The following KSR2 variants were observed in gnomAD, a reference collection of about 807,000 sequenced individuals.
The protein encoded by KSR2 is kinase suppressor of ras 2.
In KSR2, 25 loss-of-function variants were observed where a neutral mutation model predicts 107.8. The observed-to-expected ratio is 0.23, with a 90% CI of 0.17 to 0.32. The LOEUF (loss-of-function observed/expected upper bound fraction) is 0.32, where lower values mean the gene tolerates loss of function less well. Ranked by LOEUF, KSR2 falls within the 10% of genes least tolerant of loss-of-function variation. The pLI is 1.00. For missense variants in KSR2, 887 were observed against 1,268.9 expected (o/e 0.70, Z 4.57); for synonymous variants, 480 against 507.0 (o/e 0.95, Z 0.71).
intron 14 of KSR2, among the ~76,000 whole-genome samples, chr12:117,497,813 G>C (rs1873131513): frequency 6.6e-6 from 1 of 152,194 alleles, no homozygotes; most frequent in African/African-American, 2.4e-5. Flanking sequence ...AAGGGGCTCA[G>C]CCTTGCTTTG....
At chr12:117,542,582 C>T (rs1460781096) in intron 9 of KSR2, among the ~76,000 whole-genome samples, 2 of 152,100 alleles carry the variant, frequency 1.3e-5, no homozygotes, top group African/African-American at 2.4e-5. Flanking sequence ...CTCTCCTCAC[C>T]ATCCTCCCCC....
Position 117,567,661 on chromosome 12 carries a change from CAAAAA to C in KSR2, c.1326-9093_1326-9089del, listed in dbSNP as rs57039581. On this transcript the variant is annotated intron_variant, in intron 7 of 19. Transcript: ENST00000339824. ...ATTAAGTGTTCCTGAAGGCTTCTCG[CAAAAA>C]AAAAAAAAAAAATCACGAAACCGAA... 1.8e-3 allele frequency among the ~76,000 whole-genome samples: 247 copies of C among 134,958 alleles called. 4 individuals carry two copies. The highest frequency in any genetic ancestry group is 6.9e-4 in the Non-Finnish European group (43 of 62,538). 88.5% of individuals were successfully genotyped at this position (134,958 alleles called of 152,430 possible).
chr12:117,761,280 C>T lies in KSR2; in HGVS notation c.717G>A (p.Pro239=). The T allele has an allele frequency of 1.3e-6, 2 of 1,517,058 alleles. No homozygotes were observed. Among genetic ancestry groups the T allele is most frequent in the East Asian group, 2.3e-5 (1 of 43,766 alleles). The allele number at this position is 1,517,058 out of a possible 1,614,324, so 94.0% of individuals were successfully genotyped here. Residue 239 remains proline (P), a synonymous_variant, in exon 4 of 20, where the codon CCG becomes CCA. Coordinates refer to ENST00000339824, the MANE Select transcript of KSR2 (RefSeq NM_173598.6). ...GGGAACGGTGGCCCGACTCCAGTGG[C>T]GGGGGCGGGCACAAGCCCGGGTAGG... is the stretch of plus-strand genomic sequence containing the variant. The part of the protein sequence containing the change: ...VDAYPGLCPP[P]PLESGHRSLP...
chr12:117,521,564 T>C (rs1001585707), intron 14 of KSR2, among the ~76,000 whole-genome samples: 13 of 152,232 alleles, frequency 8.5e-5, no homozygotes, highest in African/African-American at 2.9e-4. Flanking sequence ...CTATAGCAAT[T>C]GGGTAACTAG....
rs980970639 is a variant in KSR2, at chr12:117,951,004, T to C, written c.180+17072A>G. 6.6e-5 allele frequency among the ~76,000 whole-genome samples: 10 copies of C among 151,818 alleles called. No individual in the cohort carries two copies. The South Asian group carries it at 8.3e-4, about 13-fold the overall frequency. ...TCTCGACTCACTGTAAGCTCCCGGA[T>C]TCATGCCATTCTCCTGCCTTAGCCT... On this transcript the variant is annotated intron_variant, in intron 1 of 19. Coordinates refer to ENST00000339824, the MANE Select transcript of KSR2 (RefSeq NM_173598.6).
At chr12:117,852,241 G>A (rs963928429) in intron 3 of KSR2, among the ~76,000 whole-genome samples, 7 of 151,012 alleles carry the variant, frequency 4.6e-5, no homozygotes, top group Non-Finnish European at 1.0e-4. Flanking sequence ...TGGGCAACAC[G>A]GTGAAACCTC....
chr12:117,470,638 A>G (rs898952462), intron 18 of KSR2, among the ~76,000 whole-genome samples: 1 of 152,156 alleles, frequency 6.6e-6, no homozygotes, highest in African/African-American at 2.4e-5. Flanking sequence ...ACTTTTAGTA[A>G]TCTCTTCATC....
At chr12:117,775,099 T>C (rs1192755574) in intron 3 of KSR2, among the ~76,000 whole-genome samples, 1 of 152,246 alleles carries the variant, frequency 6.6e-6, no homozygotes, top group East Asian at 1.9e-4. Context: ...CAAGTGTGCA[T>C]AGTGCTGCTA....
chr12:117,848,105 G>GT lies in KSR2; in HGVS notation c.472+7322dup, dbSNP rs1474665456. On this transcript the variant is annotated intron_variant, in intron 3 of 19. Transcript: ENST00000339824. ...AGATCTTCTATTATCTTGACCAGAG[G>GT]TTTTTCCTTGGGAAAGGAAAGATAC... is the stretch of plus-strand genomic sequence containing the variant. Among the ~76,000 whole-genome samples the GT allele has an allele frequency of 3.3e-5, 5 of 152,314 alleles. No individual in the cohort carries two copies. The East Asian group carries it at 9.6e-4, about 29-fold the overall frequency.
intron 14 of KSR2, chr12:117,517,587 A>C (rs922927910): frequency 9.0e-6 from 3 of 333,484 alleles, no homozygotes; most frequent in Non-Finnish European, 1.7e-5. Context: ...TATGCAATGT[A>C]CATGAGATGA....
intron 5 of KSR2, among the ~76,000 whole-genome samples, chr12:117,631,075 T>C (rs1380117770): frequency 6.6e-6 from 1 of 152,096 alleles, no homozygotes; most frequent in Admixed American, 6.5e-5. Context: ...CCCAACACTT[T>C]GGGAGGCTGA....
At chr12:117,528,618 A>AT (rs1476959730) in intron 12 of KSR2, among the ~76,000 whole-genome samples, 1 of 152,226 alleles carries the variant, frequency 6.6e-6, no homozygotes, top group Admixed American at 6.5e-5. Flanking sequence ...GGCATTCGCC[A>AT]TGGTATTAAC....
intron 1 of KSR2, among the ~76,000 whole-genome samples, chr12:117,931,377 G>T (rs1480724602): frequency 6.6e-6 from 1 of 152,056 alleles, no homozygotes; most frequent in Non-Finnish European, 1.5e-5. Flanking sequence ...TAGGGACCAG[G>T]GCTTCAGAGA....
rs1894169910 is a variant in KSR2 at position 117,886,118 on chromosome 12, T to A, written c.181-25687A>T. 2.6e-5 allele frequency among the ~76,000 whole-genome samples: 4 copies of A among 151,330 alleles called. No individual in the cohort carries two copies. The South Asian group carries it at 8.3e-4, about 31-fold the overall frequency. On this transcript the variant is annotated intron_variant, in intron 1 of 19. Coordinates refer to ENST00000339824, the MANE Select transcript of KSR2 (RefSeq NM_173598.6). ...CTCAAAAAAAAAAAAAACCTGCACA[T>A]TCTGCACAAGTATCTGAAACCTAAA...
At position 117,610,738 on chromosome 12, in the gene KSR2, C is replaced by CAAAA. The variant is rs35825253; in HGVS notation, c.1172-28383_1172-28380dup. 1.7e-3 allele frequency among the ~76,000 whole-genome samples: 192 copies of CAAAA among 110,868 alleles called. 1 individual carries two copies. Among genetic ancestry groups the CAAAA allele is most frequent in the African/African-American group, 6.6e-3 (179 of 27,096 alleles). The allele number at this position is 110,868 out of a possible 152,430, so 72.7% of individuals were successfully genotyped here. On this transcript the variant is annotated intron_variant, in intron 5 of 19. Coordinates refer to ENST00000339824, the MANE Select transcript of KSR2 (RefSeq NM_173598.6). ...TGGGTGACAGAGTGAGACCCTGTCT[C>CAAAA]AAAAAAAAAAAAAAAAACAGATCCC...
intron 3 of KSR2, among the ~76,000 whole-genome samples, chr12:117,816,564 G>A (rs141115703): frequency 2.5e-4 from 38 of 152,222 alleles, no homozygotes; most frequent in Middle Eastern, 6.8e-3. Flanking sequence ...CCCTAGGAAG[G>A]CCATGATGGC....
intron 4 of KSR2, among the ~76,000 whole-genome samples, chr12:117,671,953 C>T (rs1884924132): frequency 1.3e-5 from 2 of 152,186 alleles, no homozygotes; most frequent in African/African-American, 4.8e-5. Flanking sequence ...GTTAAAAGCC[C>T]CACTGTGAAG....
intron 3 of KSR2, among the ~76,000 whole-genome samples, chr12:117,813,002 T>C (rs576851065): frequency 1.3e-5 from 2 of 152,066 alleles, no homozygotes; most frequent in African/African-American, 4.8e-5. Context: ...TGGAACAGAA[T>C]AGAGAACTCA....
chr12:117,490,254 C>A (rs1234245116), intron 14 of KSR2, among the ~76,000 whole-genome samples: 1 of 152,194 alleles, frequency 6.6e-6, no homozygotes, highest in Non-Finnish European at 1.5e-5. Flanking sequence ...CAGAGGAGCA[C>A]AAACTGAGTC....
Sources: allele counts gnomAD v4.1 joint callset (sites outside exome capture counted in the v4.1 genomes callset), GRCh38; gene constraint gnomAD v4.1.1; transcripts MANE v1.5; gene names NCBI Gene and HGNC (gene_info 2026-07-23, HGNC 2026-07-21).